INA: variants seen among roughly 807,000 people sequenced by gnomAD.
INA encodes the protein alpha-internexin.
INA carries 35 observed loss-of-function variants against 40.1 expected under a neutral mutation model. The observed-to-expected ratio is 0.87, with a 90% CI of 0.67 to 1.16. The LOEUF is 1.16. INA is among the 50% of genes most tolerant of loss of function. The probability of loss-of-function intolerance (pLI) is 0.00; values close to 1 mark genes in which losing one functional copy is unlikely to be tolerated. For missense variants in INA, 594 were observed against 686.7 expected (o/e 0.87, Z 1.51); for synonymous variants, 290 against 316.9 (o/e 0.92, Z 0.90).
rs765663201 is a variant in INA at position 103,277,613 on chromosome 10, T to G, written c.402T>G (p.Ala134=). The change falls in exon 1 of 3, where the codon GCT becomes GCG. Residue 134 remains alanine (A), a synonymous_variant. Transcript: ENST00000369849. This position sits in a 1 kb window ranked among gnomAD's most constrained non-coding sequence, Gnocchi z 5.6. ...AELAALRQRH[A]EPSRVGELFQ... Reference sequence around the variant, plus strand: ...TGGCCGCGCTGCGACAGCGCCACGCTGAGCCGTCGCGCGTCGGCGAGCTCT... The same window carrying G: ...TGGCCGCGCTGCGACAGCGCCACGCGGAGCCGTCGCGCGTCGGCGAGCTCT... The G allele has an allele frequency of 1.3e-6, 2 of 1,513,234 alleles. No homozygotes were observed. The highest frequency in any genetic ancestry group is 2.9e-5 in the African/African-American group (2 of 69,252). The allele number at this position is 1,513,234 out of a possible 1,614,324, so 93.7% of individuals were successfully genotyped here.
At position 103,278,057 on chromosome 10, in the gene INA, C is replaced by A. The variant is rs2093064376; in HGVS notation, c.846C>A (p.Ser282=). 1 of 1,613,652 alleles carries A rather than the reference C, an allele frequency of 6.2e-7. No individual in the cohort carries two copies. Among genetic ancestry groups the A allele is most frequent in the East Asian group, 2.2e-5 (1 of 44,858 alleles). The change falls in exon 1 of 3, where the codon TCC becomes TCA. Residue 282 remains serine (S), a synonymous_variant. Transcript: ENST00000369849. This position sits in a 1 kb window ranked among gnomAD's most constrained non-coding sequence, Gnocchi z 4.9. ...CCCTGGCCGCTAAGAACCTGCAGTC[C>A]GCGGAAGAATGGTACAAGTCCAAGT... The part of the protein sequence containing the change: ...YESLAAKNLQ[S]AEEWYKSKFA...
chr10:103,286,008 A>G (rs150189613), intron 1 of INA, among the ~76,000 whole-genome samples: 1 of 152,080 alleles, frequency 6.6e-6, no homozygotes, highest in Non-Finnish European at 1.5e-5. Context: ...TGGGACAGCA[A>G]TGAACTTGGT....
At position 103,277,658 on chromosome 10, in the gene INA, C is replaced by T. The variant is rs2093062762; in HGVS notation, c.447C>T (p.Asp149=). Reference sequence around the variant, plus strand: ...AGCTCTTCCAGCGCGAGCTGCGCGACCTGCGCGCGCAGCTGGAGGAGGCCA... The same window carrying T: ...AGCTCTTCCAGCGCGAGCTGCGCGATCTGCGCGCGCAGCTGGAGGAGGCCA... The part of the protein sequence containing the change: ...VGELFQRELR[D]LRAQLEEASS... Residue 149 remains aspartate (D), a synonymous_variant, in exon 1 of 3, where the codon GAC becomes GAT. Transcript: ENST00000369849. The surrounding 1 kb of genome is among the most constrained non-coding windows in gnomAD (Gnocchi z 5.6). 7.2e-7 allele frequency: 1 copy of T among 1,387,260 alleles called. No individual in the cohort carries two copies. The highest frequency in any genetic ancestry group is 3.5e-5 in the Admixed American group (1 of 28,574). The allele number at this position is 1,387,260 out of a possible 1,614,324, so 85.9% of individuals were successfully genotyped here.
At position 103,277,529 on chromosome 10, in the gene INA, C is replaced by A; in HGVS notation, c.318C>A (p.Ala106=). ...TGCAGGGCCTCAACGACCGCTTCGC[C>A]GTGTTCATCGAGAAGGTGCATCAGC... is the stretch of plus-strand genomic sequence containing the variant. ...EQLQGLNDRF[A]VFIEKVHQLE... is the part of the protein sequence containing the mutation. The change falls in exon 1 of 3, where the codon GCC becomes GCA. Residue 106 remains alanine, a synonymous_variant. Transcript: ENST00000369849. This position sits in a 1 kb window ranked among gnomAD's most constrained non-coding sequence, Gnocchi z 5.6. 6.3e-7 allele frequency: 1 copy of A among 1,586,542 alleles called. No individual in the cohort carries two copies. The highest frequency in any genetic ancestry group is 1.1e-5 in the South Asian group (1 of 88,238).
intron 1 of INA, chr10:103,279,911 G>A (rs902872420): frequency 7.8e-7 from 1 of 1,286,398 alleles, no homozygotes; most frequent in African/African-American, 1.5e-5. Context: ...AATCACATTT[G>A]GCTAATTGAG....
In INA at chr10:103,277,206, G is replaced by T. The variant is rs760483767; in HGVS notation, c.-6G>T. On this transcript the variant is annotated 5_prime_UTR_variant, in exon 1 of 3. Transcript: ENST00000369849. The surrounding 1 kb of genome is among the most constrained non-coding windows in gnomAD (Gnocchi z 5.6). ...AAGCCGCACGTCCGGCCCCGATCCC[G>T]GCACCATGAGCTTCGGCTCGGAGCA... 9.5e-6 allele frequency: 15 copies of T among 1,572,412 alleles called. No individual in the cohort carries two copies. In the South Asian group the frequency reaches 1.6e-4, roughly 17 times the overall value.
intron 1 of INA, among the ~76,000 whole-genome samples, chr10:103,281,385 T>C (rs1049585853): frequency 6.6e-6 from 1 of 152,184 alleles, no homozygotes; most frequent in Non-Finnish European, 1.5e-5. Flanking sequence ...CCCAAAGATA[T>C]GGATTCAGCA....
chr10:103,286,709 T>C (rs1336673620), intron 1 of INA, among the ~76,000 whole-genome samples: 4 of 147,996 alleles, frequency 2.7e-5, no homozygotes, highest in Non-Finnish European at 6.1e-5. Flanking sequence ...AAAAAAAAAA[T>C]CATCTCCATG....
chr10:103,282,034 G>A (rs923735287), intron 1 of INA, among the ~76,000 whole-genome samples: 3 of 152,234 alleles, frequency 2.0e-5, no homozygotes, highest in African/African-American at 7.2e-5. Context: ...CTTCTGAAGG[G>A]CAATGCAAGA....
chr10:103,283,240 A>G (rs757120358), intron 1 of INA, among the ~76,000 whole-genome samples: 1 of 152,144 alleles, frequency 6.6e-6, no homozygotes, highest in Non-Finnish European at 1.5e-5. Flanking sequence ...TCTTTGCATA[A>G]TCATATTTTC....
intron 1 of INA, chr10:103,280,799 C>T (rs915500304): frequency 8.1e-5 from 80 of 985,336 alleles, no homozygotes; most frequent in Non-Finnish European, 9.4e-5. Flanking sequence ...TGCAACTCCC[C>T]TCTGCATAAA....
chr10:103,288,443 A>G lies in INA; in HGVS notation c.1274A>G (p.Tyr425Cys), dbSNP rs1199810113. 6.2e-7 allele frequency: 1 copy of G among 1,613,664 alleles called. No individual in the cohort carries two copies. Among genetic ancestry groups the G allele is most frequent in the Non-Finnish European group, 8.5e-7 (1 of 1,179,952 alleles). ...CTGAATCCACTTCCCAATCCAAGTT[A>G]CCTGCTCCCACCTAGAATCCTCAGT... ...SGLNPLPNPS[Y>C]LLPPRILSAT... The change falls in exon 3 of 3, where the codon TAC becomes TGC. Residue 425 changes from tyrosine to cysteine, a missense_variant. Tyr to Cys is a radical substitution (Grantham distance 194, BLOSUM62 -2). Coordinates refer to ENST00000369849, the MANE Select transcript of INA (RefSeq NM_032727.4).
At chr10:103,280,410 A>G (rs2093070140) in intron 1 of INA, 1 of 985,338 alleles carries the variant, frequency 1.0e-6, no homozygotes, top group African/African-American at 1.7e-5. Flanking sequence ...CAATCTTAGC[A>G]GTGCTGACCA....
chr10:103,281,289 T>C (rs909591676), intron 1 of INA, among the ~76,000 whole-genome samples: 1 of 152,138 alleles, frequency 6.6e-6, no homozygotes, highest in Non-Finnish European at 1.5e-5. Flanking sequence ...ATAGCATCTT[T>C]ATAGAAAAAA....
chr10:103,287,077 A>T lies in INA; in HGVS notation c.1108A>T (p.Ser370Cys). Residue 370 changes from serine to cysteine, a missense_variant, in exon 2 of 3, where the codon AGT becomes TGT. Coordinates refer to ENST00000369849, the MANE Select transcript of INA (RefSeq NM_032727.4). ...QLENDLRNTK[S>C]EMARHLREYQ... Reference sequence around the variant, plus strand: ...GGAGAATGATCTGAGGAACACCAAGAGTGAGATGGCACGCCACCTTCGGGA... The same window carrying T: ...GGAGAATGATCTGAGGAACACCAAGTGTGAGATGGCACGCCACCTTCGGGA... 1 of 1,614,024 alleles carries T rather than the reference A, an allele frequency of 6.2e-7. No homozygotes were observed. The highest frequency in any genetic ancestry group is 8.5e-7 in the Non-Finnish European group (1 of 1,179,942).
chr10:103,285,946 G>A (rs776379307), intron 1 of INA, among the ~76,000 whole-genome samples: 1 of 151,974 alleles, frequency 6.6e-6, no homozygotes, highest in Admixed American at 6.6e-5. Flanking sequence ...CAAGGAGTCG[G>A]CCATGTAAAG....
At chr10:103,279,078 A>G (rs886710257) in intron 1 of INA, among the ~76,000 whole-genome samples, 1 of 152,018 alleles carries the variant, frequency 6.6e-6, no homozygotes, top group African/African-American at 2.4e-5. Context: ...CTCGTGTCCC[A>G]GTTATGAATC....
chr10:103,284,679 AGGT>A (rs1265992338), intron 1 of INA, among the ~76,000 whole-genome samples: 3 of 151,866 alleles, frequency 2.0e-5, no homozygotes, highest in Non-Finnish European at 4.4e-5. Flanking sequence ...ACTTGAACCC[AGGT>A]GGTGGAGGTT....
At chr10:103,279,863 T>G (rs2093069032) in intron 1 of INA, 1 of 1,071,042 alleles carries the variant, frequency 9.3e-7, no homozygotes, top group African/African-American at 1.7e-5. Context: ...TAACTTGAAC[T>G]TTTCATTATG....
Sources: allele counts gnomAD v4.1 joint callset (sites outside exome capture counted in the v4.1 genomes callset), GRCh38; gene constraint gnomAD v4.1.1; non-coding constraint Gnocchi (gnomAD v3.1); transcripts MANE v1.5; gene names NCBI Gene and HGNC (gene_info 2026-07-23, HGNC 2026-07-21).